Variants in MCTP1 observed in about 807,000 individuals in gnomAD.
MCTP1 encodes the protein multiple C2 and transmembrane domain containing 1.
A neutral mutation model predicts 120.6 loss-of-function variants in MCTP1; 69 were observed. That is an observed-to-expected ratio of 0.57 (90% CI 0.47 to 0.70). The LOEUF is 0.70. Ranked by LOEUF, MCTP1 falls within the 30% of genes least tolerant of loss-of-function variation. MCTP1 has a pLI of 0.00. For missense variants in MCTP1, 1,203 were observed against 1,248.8 expected (o/e 0.96, Z 0.55); for synonymous variants, 529 against 493.1 (o/e 1.07, Z -0.96).
chr5:95,273,807 G>A (rs1042501413), intron 1 of MCTP1, among the ~76,000 whole-genome samples: 8 of 152,138 alleles, frequency 5.3e-5, no homozygotes, highest in African/African-American at 1.7e-4. Context: ...TTCAATAAAA[G>A]CATCTCTGAA....
intron 17 of MCTP1, among the ~76,000 whole-genome samples, chr5:94,832,216 T>C (rs958797045): frequency 6.8e-6 from 1 of 147,300 alleles, no homozygotes; most frequent in African/African-American, 2.6e-5. Context: ...TGAGAGTTAC[T>C]TTATAATGCA....
chr5:94,916,496 A>G (rs191427670), intron 8 of MCTP1, among the ~76,000 whole-genome samples: 1 of 152,290 alleles, frequency 6.6e-6, no homozygotes, highest in Non-Finnish European at 1.5e-5. Context: ...TAAACAATGA[A>G]GATTTAGCTT....
chr5:94,932,098 G>A (rs1814837253), intron 5 of MCTP1, 107 bp from the exon 6 acceptor site: 2 of 688,570 alleles, frequency 2.9e-6, no homozygotes, highest in African/African-American at 1.8e-5. Context: ...ACAGCGAACA[G>A]TTCCTGCAGC....
intron 1 of MCTP1, among the ~76,000 whole-genome samples, chr5:95,203,104 C>T (rs1751251529): frequency 6.6e-6 from 1 of 152,210 alleles, no homozygotes; most frequent in African/African-American, 2.4e-5. Flanking sequence ...TTCACCACTT[C>T]TATTCTCTGC....
intron 1 of MCTP1, among the ~76,000 whole-genome samples, chr5:95,023,313 T>A (rs10075321): frequency 0.25 from 38,376 of 152,104 alleles, 5,122 homozygotes; most frequent in East Asian, 0.46. Context: ...AATCCCATGG[T>A]TCTAGAAATT....
Position 94,965,298 on chromosome 5 carries a change from G to C in MCTP1, c.839-11937C>G, listed in dbSNP as rs552440866. 5.3e-5 allele frequency among the ~76,000 whole-genome samples: 8 copies of C among 152,208 alleles called. No homozygotes were observed. In the South Asian group the frequency reaches 1.7e-3, roughly 32 times the overall value. ...AGTGGGCCTGGAGCCTAGGTCTGTG[G>C]GGAAGTCAGATATCCACTTCACTCT... is the stretch of plus-strand genomic sequence containing the variant. On this transcript the variant is annotated intron_variant, in intron 2 of 22. Transcript: ENST00000515393.
At chr5:94,741,200 T>C (rs1221975782) in intron 19 of MCTP1, among the ~76,000 whole-genome samples, 2 of 152,188 alleles carry the variant, frequency 1.3e-5, no homozygotes, top group East Asian at 3.9e-4. Context: ...TTGTCAAAAC[T>C]TATAATTTCA....
chr5:95,027,106 A>C (rs1043125230), intron 1 of MCTP1, among the ~76,000 whole-genome samples: 5 of 152,258 alleles, frequency 3.3e-5, no homozygotes, highest in African/African-American at 1.2e-4. Context: ...ATGAAGCTCA[A>C]GTATCTGTCA....
At chr5:95,227,405 A>G (rs1311999292) in intron 1 of MCTP1, among the ~76,000 whole-genome samples, 4 of 152,200 alleles carry the variant, frequency 2.6e-5, no homozygotes, top group Non-Finnish European at 5.9e-5. Context: ...TCTAGCCCTA[A>G]TAGAATCAAT....
Position 94,936,666 on chromosome 5 carries a change from A to G in MCTP1, c.1173+3418T>C, listed in dbSNP as rs570240290. Among the ~76,000 whole-genome samples the G allele has an allele frequency of 1.8e-3, 277 of 152,258 alleles. 1 individual carries two copies. Among genetic ancestry groups the G allele is most frequent in the African/African-American group, 6.6e-3 (275 of 41,572 alleles). On this transcript the variant is annotated intron_variant, in intron 5 of 22. Coordinates refer to ENST00000515393, the MANE Select transcript of MCTP1 (RefSeq NM_024717.7). ...GTTCTTATTTTGAGTTTCAAAACCTAATAACCAGTGTTGGTAAATATAAGA... is the reference window on the plus strand; with the variant it reads ...GTTCTTATTTTGAGTTTCAAAACCTGATAACCAGTGTTGGTAAATATAAGA...
chr5:95,084,201 T>A (rs1227563566), intron 1 of MCTP1, among the ~76,000 whole-genome samples: 1 of 152,136 alleles, frequency 6.6e-6, no homozygotes, highest in African/African-American at 2.4e-5. Flanking sequence ...AATGAATTAA[T>A]GTATTCTTTA....
At chr5:95,249,294 A>T (rs1757138328) in intron 1 of MCTP1, among the ~76,000 whole-genome samples, 1 of 152,204 alleles carries the variant, frequency 6.6e-6, no homozygotes, top group Non-Finnish European at 1.5e-5. Flanking sequence ...AGAATCTACA[A>T]AGAACTTAAA....
At position 95,221,602 on chromosome 5, in the gene MCTP1, C is replaced by A. The variant is rs150011523; in HGVS notation, c.720+62254G>T. Among the ~76,000 whole-genome samples the A allele has an allele frequency of 1.9e-3, 291 of 152,304 alleles. 1 individual carries two copies. Among genetic ancestry groups the A allele is most frequent in the Admixed American group, 3.4e-3 (52 of 15,296 alleles). ...CACTACCATGCTTCTCTCTTTTATG[C>A]TCTAACCTGTACCTTTTGCAAAATT... On this transcript the variant is annotated intron_variant, in intron 1 of 22. Coordinates refer to ENST00000515393, the MANE Select transcript of MCTP1 (RefSeq NM_024717.7).
chr5:94,957,738 C>T lies in MCTP1; in HGVS notation c.839-4377G>A, dbSNP rs139812634. On this transcript the variant is annotated intron_variant, in intron 2 of 22. Transcript: ENST00000515393. ...GAGCTAACTATCCTCAATATATATG[C>T]ACCCAATACAAGAGCACCCAGATTC... Among the ~76,000 whole-genome samples, 10 of 152,274 alleles carry T rather than the reference C, an allele frequency of 6.6e-5. No individual in the cohort carries two copies. In the East Asian group the frequency reaches 1.7e-3, roughly 26 times the overall value.
At chr5:94,900,707 C>A (rs1247315858) in intron 10 of MCTP1, among the ~76,000 whole-genome samples, 1 of 152,148 alleles carries the variant, frequency 6.6e-6, no homozygotes, top group Admixed American at 6.5e-5. Context: ...GCATCAGAGT[C>A]CATGGCTGGG....
At chr5:94,946,028 A>C (rs1260180344) in intron 3 of MCTP1, among the ~76,000 whole-genome samples, 1 of 152,246 alleles carries the variant, frequency 6.6e-6, no homozygotes, top group Non-Finnish European at 1.5e-5. Context: ...GAGAAGGAAC[A>C]GCTACTGAGG....
At chr5:95,131,527 G>C (rs1220518017) in intron 1 of MCTP1, among the ~76,000 whole-genome samples, 1 of 152,094 alleles carries the variant, frequency 6.6e-6, no homozygotes, top group Non-Finnish European at 1.5e-5. Flanking sequence ...GATGGGCCAG[G>C]TTTTGGTTTT....
At chr5:95,024,874 T>C (rs527375610) in intron 1 of MCTP1, among the ~76,000 whole-genome samples, 3 of 152,236 alleles carry the variant, frequency 2.0e-5, no homozygotes, top group East Asian at 3.9e-4. Flanking sequence ...AGGTGAAAGA[T>C]CTGTGTATTA....
intron 19 of MCTP1, among the ~76,000 whole-genome samples, chr5:94,775,742 G>A (rs923196051): frequency 7.2e-5 from 11 of 151,834 alleles, no homozygotes; most frequent in Non-Finnish European, 1.0e-4. Context: ...GACTCACCAC[G>A]TAAAACCTGT....
Sources: gnomAD v4.1 joint callset for allele counts (sites outside exome capture counted in the v4.1 genomes callset) on GRCh38, gnomAD v4.1.1 for gene constraint, MANE v1.5 for transcripts, NCBI Gene and HGNC (gene_info 2026-07-23, HGNC 2026-07-21) for gene names.